The following PTPN4 variants were observed in gnomAD, a reference collection of about 807,000 sequenced individuals.
PTPN4 encodes tyrosine-protein phosphatase non-receptor type 4.
PTPN4 carries 49 observed loss-of-function variants against 135.5 expected under a neutral mutation model. The ratio of observed to expected loss-of-function variants is 0.36; its 90% CI spans 0.29 to 0.46. The LOEUF (loss-of-function observed/expected upper bound fraction) is 0.46. Ranked by LOEUF, PTPN4 falls within the 20% of genes least tolerant of loss-of-function variation. The pLI, the probability that PTPN4 is intolerant of heterozygous loss-of-function variation, is 1.00. For missense variants in PTPN4, 860 were observed against 1,101.0 expected, an observed-to-expected ratio of 0.78 and a Z score of 3.10; for synonymous variants, 333 against 369.9, an observed-to-expected ratio of 0.90 and a Z score of 1.14.
At position 119,952,025 on chromosome 2, in the gene PTPN4, A is replaced by G. The variant is rs1240670057; in HGVS notation, c.1709A>G (p.Asn570Ser). Residue 570 changes from asparagine to serine, a missense_variant, in exon 19 of 27, where the codon AAT (asparagine) becomes AGT (serine). Physicochemically the swap from Asn to Ser is conservative, Grantham distance 46. Transcript: ENST00000263708. ...LNEGDQVVLI[N>S]GRDIAEHTHD... is the part of the protein sequence containing the mutation. Reference sequence around the variant, plus strand: ...GAAGGGGACCAAGTTGTACTGATCAATGGTCGGGACATTGCAGAACACACT... The same window carrying G: ...GAAGGGGACCAAGTTGTACTGATCAGTGGTCGGGACATTGCAGAACACACT... The G allele has an allele frequency of 3.1e-6, 5 of 1,613,324 alleles. No individual in the cohort carries two copies. The highest frequency in any genetic ancestry group is 4.2e-6 in the Non-Finnish European group (5 of 1,179,370).
chr2:119,779,830 G>A (rs1045698366), intron 1 of PTPN4, among the ~76,000 whole-genome samples: 4 of 152,034 alleles, frequency 2.6e-5, no homozygotes, highest in Non-Finnish European at 4.4e-5. Context: ...CTGCAGCCTC[G>A]ATTTCCCAGG....
At chr2:119,790,297 A>C (rs1691121044) in intron 1 of PTPN4, among the ~76,000 whole-genome samples, 1 of 152,120 alleles carries the variant, frequency 6.6e-6, no homozygotes, top group Non-Finnish European at 1.5e-5. Context: ...TTGAGAATGA[A>C]GTATTGAAGT....
At chr2:119,762,310 T>G (rs1003966876) in intron 1 of PTPN4, among the ~76,000 whole-genome samples, 3 of 152,094 alleles carry the variant, frequency 2.0e-5, no homozygotes. Context: ...AGTAATACAA[T>G]TTACGTGAGA....
chr2:119,881,853 A>G (rs1388902861), intron 6 of PTPN4, 23 bp downstream of exon 6: 3 of 1,502,542 alleles, frequency 2.0e-6, no homozygotes, highest in Non-Finnish European at 2.7e-6. Flanking sequence ...AATTTCTTAA[A>G]AAATTTTTTG....
chr2:119,932,003 T>C (rs1293353253), intron 13 of PTPN4, among the ~76,000 whole-genome samples: 1 of 152,194 alleles, frequency 6.6e-6, no homozygotes, highest in Admixed American at 6.5e-5. Flanking sequence ...TATAGAAGCA[T>C]TCAGGAGATA....
chr2:119,800,539 A>G (rs1691343834), intron 1 of PTPN4, among the ~76,000 whole-genome samples: 1 of 123,180 alleles, frequency 8.1e-6, no homozygotes, highest in Admixed American at 8.8e-5. Context: ...TTTTTTTTTT[A>G]CAGTCTGTAA....
intron 1 of PTPN4, among the ~76,000 whole-genome samples, chr2:119,807,007 A>G (rs1262647458): frequency 6.6e-6 from 1 of 152,240 alleles, no homozygotes; most frequent in East Asian, 1.9e-4. Flanking sequence ...TAAGGTAGAA[A>G]TAAAGATGTT....
At position 119,881,816 on chromosome 2, in the gene PTPN4, C is replaced by A. The variant is rs753539446; in HGVS notation, c.399C>A (p.Asp133Glu). The A allele has an allele frequency of 3.2e-6, 5 of 1,563,448 alleles. No homozygotes were observed. In the African/African-American group the frequency reaches 6.8e-5, roughly 21 times the overall value. ...RYQYFLQIKQ[D>E]ILTGRLPCPS... Reference sequence around the variant, plus strand: ...AGTATTTTTTGCAAATTAAACAAGACATTCTTACTGGAAGGTGGGCTCTTT... The same window carrying A: ...AGTATTTTTTGCAAATTAAACAAGAAATTCTTACTGGAAGGTGGGCTCTTT... The change falls in exon 6 of 27, where the codon GAC becomes GAA. Residue 133 changes from aspartate (D) to glutamate (E), a missense_variant. Around this residue, in one of 2 missense-constraint regions of PTPN4, gnomAD observed 684 missense variants for 807.0 expected, o/e 0.85. Transcript: ENST00000263708.
chr2:119,943,580 CTTTTTTTTTT>C lies in PTPN4; in HGVS notation c.1356-1487_1356-1478del, dbSNP rs70949374. 1.0e-4 allele frequency among the ~76,000 whole-genome samples: 8 copies of C among 79,918 alleles called. 1 individual carries two copies. The highest frequency in any genetic ancestry group is 1.1e-3 in the South Asian group (2 of 1,854). 52.4% of individuals were successfully genotyped at this position (79,918 alleles called of 152,430 possible). A position where few individuals can be genotyped will look rare whatever the true frequency, so the allele number is the denominator to read the frequency against. ...AAATCATAAGCTGTTTCATTTTTTTCTTTTTTTTTTTTTTTTTTTTTTTGAGATGGAGTCT... is the reference window on the plus strand; with the variant it reads ...AAATCATAAGCTGTTTCATTTTTTTCTTTTTTTTTTTTTGAGATGGAGTCT... On this transcript the variant is annotated intron_variant, in intron 15 of 26. Transcript: ENST00000263708.
At chr2:119,916,817 A>G (rs150685339) in intron 11 of PTPN4, 6 of 152,292 alleles carry the variant, frequency 3.9e-5, no homozygotes, top group African/African-American at 1.4e-4. Context: ...TGTGAGATTC[A>G]TCCATGTTGT....
At chr2:119,911,085 A>G (rs187821875) in intron 10 of PTPN4, among the ~76,000 whole-genome samples, 210 of 152,272 alleles carry the variant, frequency 1.4e-3, no homozygotes, top group Non-Finnish European at 2.5e-3. Flanking sequence ...TGTGAATTCT[A>G]TCGAACATTT....
At chr2:119,768,960 G>A (rs1207069025) in intron 1 of PTPN4, among the ~76,000 whole-genome samples, 8 of 152,346 alleles carry the variant, frequency 5.3e-5, no homozygotes, top group South Asian at 2.1e-4. Context: ...TGATACTGAA[G>A]CATCTTTTCT....
rs1691163409 is a variant in PTPN4 at position 119,792,276 on chromosome 2, T to C, written c.-17-17561T>C. On this transcript the variant is annotated intron_variant, in intron 1 of 26. Coordinates refer to ENST00000263708, the MANE Select transcript of PTPN4 (RefSeq NM_002830.4). ...TTATTTTTTAGGGTAAATTGATCAC[T>C]TAAAGATTAGTCATTTTGTGTTTTA... Among the ~76,000 whole-genome samples, 4 of 152,348 alleles carry C rather than the reference T, an allele frequency of 2.6e-5. 1 individual carries two copies. In the South Asian group the frequency reaches 8.3e-4, roughly 32 times the overall value.
chr2:119,952,155 A>T (rs916670182), intron 19 of PTPN4, 26 bp downstream of exon 19: 6 of 1,573,298 alleles, frequency 3.8e-6, no homozygotes, highest in Non-Finnish European at 5.2e-6. Flanking sequence ...AGTACCAGAT[A>T]ATTTATAGTA....
At position 119,900,760 on chromosome 2, in the gene PTPN4, G is replaced by A; in HGVS notation, c.718G>A (p.Gly240Arg). The A allele has an allele frequency of 6.3e-7, 1 of 1,587,216 alleles. No homozygotes were observed. Among genetic ancestry groups the A allele is most frequent in the East Asian group, 2.3e-5 (1 of 43,780 alleles). ...NEIMIGVMSG[G>R]ILIYKNRVRM... Reference sequence around the variant, plus strand: ...AATTATGATTGGAGTGATGTCAGGAGGAATTCTGATTTATAAGAACAGGGT... The same window carrying A: ...AATTATGATTGGAGTGATGTCAGGAAGAATTCTGATTTATAAGAACAGGGT... The change falls in exon 10 of 27, where the codon GGA becomes AGA. Residue 240 changes from glycine to arginine, a missense_variant. This residue lies in a region of PTPN4 where 684 missense variants were observed against 807.0 expected (regional missense o/e 0.85). Coordinates refer to ENST00000263708, the MANE Select transcript of PTPN4 (RefSeq NM_002830.4).
In PTPN4 at chr2:119,799,172, A is replaced by G. The variant is rs559059322; in HGVS notation, c.-17-10665A>G. Among the ~76,000 whole-genome samples, 21 of 152,274 alleles carry G rather than the reference A, an allele frequency of 1.4e-4. No individual in the cohort carries two copies. In the South Asian group the frequency reaches 3.9e-3, roughly 29 times the overall value. ...AACTAGGATGACTTAATGTTCCTCT[A>G]TTGGTCTGTAGAGATTGTAGTAGCA... On this transcript the variant is annotated intron_variant, in intron 1 of 26. Coordinates refer to ENST00000263708, the MANE Select transcript of PTPN4 (RefSeq NM_002830.4).
intron 1 of PTPN4, chr2:119,771,551 G>A (rs1690734330): frequency 6.6e-6 from 1 of 152,112 alleles, no homozygotes; most frequent in Non-Finnish European, 1.5e-5. Context: ...GTGATTGCTG[G>A]GATACCACCT....
At chr2:119,857,600 C>T (rs781569663) in intron 2 of PTPN4, among the ~76,000 whole-genome samples, 12 of 151,544 alleles carry the variant, frequency 7.9e-5, no homozygotes, top group Admixed American at 2.0e-4. Flanking sequence ...AAAACCTTAC[C>T]GAGGACTCCT....
chr2:119,952,018 C>T lies in PTPN4; in HGVS notation c.1702C>T (p.Leu568=). ...PRLNEGDQVV[L]INGRDIAEHT... is the part of the protein sequence containing the mutation. ...ACTGAATGAAGGGGACCAAGTTGTACTGATCAATGGTCGGGACATTGCAGA... is the reference window on the plus strand; with the variant it reads ...ACTGAATGAAGGGGACCAAGTTGTATTGATCAATGGTCGGGACATTGCAGA... Residue 568 remains leucine (L), a synonymous_variant, in exon 19 of 27, where the codon CTG becomes TTG. Transcript: ENST00000263708. 3.7e-6 allele frequency: 6 copies of T among 1,613,228 alleles called. No homozygotes were observed. Among genetic ancestry groups the T allele is most frequent in the Non-Finnish European group, 2.5e-6 (3 of 1,179,344 alleles).
Sources: allele counts gnomAD v4.1 joint callset (sites outside exome capture counted in the v4.1 genomes callset), GRCh38; gene constraint gnomAD v4.1.1; regional missense constraint gnomAD v4.1.1; transcripts MANE v1.5; gene names NCBI Gene and HGNC (gene_info 2026-07-23, HGNC 2026-07-21).